The following CA10 variants were observed in gnomAD, a reference collection of about 807,000 sequenced individuals.
CA10 encodes carbonic anhydrase 10 (inactive).
A neutral mutation model predicts 44.2 loss-of-function variants in CA10; 14 were observed. That is an observed-to-expected ratio of 0.32 (90% CI 0.21 to 0.50). CA10 has a LOEUF of 0.50. Among genes scored for constraint, CA10 ranks in the 20% least tolerant of loss-of-function variants. CA10 has a pLI of 0.99. For missense variants in CA10, 350 were observed against 409.7 expected, an observed-to-expected ratio of 0.85 and a Z score of 1.26; for synonymous variants, 159 against 141.6, an observed-to-expected ratio of 1.12 and a Z score of -0.87.
At chr17:51,946,158 C>G (rs574363930) in intron 2 of CA10, among the ~76,000 whole-genome samples, 1 of 152,194 alleles carries the variant, frequency 6.6e-6, no homozygotes, top group South Asian at 2.1e-4. Flanking sequence ...ACAAGAGGAG[C>G]AATTGGGGAG....
At chr17:52,113,123 A>G (rs1033890854) in intron 1 of CA10, among the ~76,000 whole-genome samples, 3 of 152,192 alleles carry the variant, frequency 2.0e-5, no homozygotes, top group African/African-American at 7.2e-5. Flanking sequence ...GGTTCTAAAG[A>G]TATTGTAGGA....
chr17:52,147,853 C>CT (rs897952373), intron 1 of CA10, among the ~76,000 whole-genome samples: 5 of 151,874 alleles, frequency 3.3e-5, no homozygotes, highest in African/African-American at 1.2e-4. Flanking sequence ...AATAGGGCCC[C>CT]TTTTTTTTCT....
At chr17:51,993,169 G>T (rs1253851352) in intron 2 of CA10, among the ~76,000 whole-genome samples, 3 of 152,104 alleles carry the variant, frequency 2.0e-5, no homozygotes, top group African/African-American at 7.2e-5. Flanking sequence ...AGTTTTGGCA[G>T]CACTTAGGTA....
chr17:52,066,524 T>C (rs780690122), intron 2 of CA10, among the ~76,000 whole-genome samples: 1 of 152,166 alleles, frequency 6.6e-6, no homozygotes, highest in Admixed American at 6.5e-5. Flanking sequence ...ATCTGATGGT[T>C]TTATAGACGG....
chr17:52,056,083 G>T lies in CA10; in HGVS notation c.136+16236C>A, dbSNP rs182451149. Among the ~76,000 whole-genome samples the T allele has an allele frequency of 8.5e-5, 13 of 152,176 alleles. No individual in the cohort carries two copies. In the East Asian group the frequency reaches 1.6e-3, roughly 18 times the overall value. On this transcript the variant is annotated intron_variant, in intron 2 of 8. Transcript: ENST00000451037. The stretch of plus-strand genomic sequence containing the variant: ...GCTGTGAGAAGAGGAGATGGCAGAT[G>T]AAGAGGCTCTGGAAGTCTACCTTTT...
intron 3 of CA10, among the ~76,000 whole-genome samples, chr17:51,930,186 T>C (rs554146243): frequency 1.3e-5 from 2 of 151,296 alleles, no homozygotes; most frequent in South Asian, 2.1e-4. Flanking sequence ...TGTCAATAAT[T>C]TTAACCTCAA....
At chr17:51,656,441 C>T (rs1038405012) in intron 4 of CA10, among the ~76,000 whole-genome samples, 1 of 152,190 alleles carries the variant, frequency 6.6e-6, no homozygotes, top group African/African-American at 2.4e-5. Flanking sequence ...TGCCTCCTCT[C>T]TGTTCCAAGG....
chr17:52,076,389 A>G (rs1987820412), intron 1 of CA10, among the ~76,000 whole-genome samples: 1 of 152,198 alleles, frequency 6.6e-6, no homozygotes, highest in Non-Finnish European at 1.5e-5. Flanking sequence ...AGAACTATGT[A>G]AGATTTTAGC....
At chr17:51,906,550 G>C (rs1379425323) in intron 3 of CA10, among the ~76,000 whole-genome samples, 1 of 152,126 alleles carries the variant, frequency 6.6e-6, no homozygotes, top group Non-Finnish European at 1.5e-5. Flanking sequence ...TCCCTGGATA[G>C]TCTAATGTAT....
intron 2 of CA10, among the ~76,000 whole-genome samples, chr17:51,960,616 C>A (rs1252250396): frequency 6.6e-6 from 1 of 152,070 alleles, no homozygotes; most frequent in South Asian, 2.1e-4. Flanking sequence ...TGACAGTGAA[C>A]CATTAATTCT....
chr17:51,969,782 T>C (rs912944637), intron 2 of CA10, among the ~76,000 whole-genome samples: 55 of 151,828 alleles, frequency 3.6e-4, no homozygotes, highest in Non-Finnish European at 1.6e-4. Context: ...GGGGATCTTA[T>C]GAGTAGGAAA....
At chr17:52,049,926 A>G (rs1219802069) in intron 2 of CA10, among the ~76,000 whole-genome samples, 2 of 152,104 alleles carry the variant, frequency 1.3e-5, no homozygotes, top group Non-Finnish European at 2.9e-5. Context: ...AATACTCGCC[A>G]TTATGCCACA....
intron 2 of CA10, among the ~76,000 whole-genome samples, chr17:52,018,136 G>C (rs970519512): frequency 1.4e-4 from 22 of 152,158 alleles, no homozygotes; most frequent in Non-Finnish European, 4.4e-5. Context: ...TTCAGAGGAA[G>C]AGCCCTCAGA....
At chr17:51,730,858 A>G (rs979396002) in intron 4 of CA10, among the ~76,000 whole-genome samples, 1 of 151,960 alleles carries the variant, frequency 6.6e-6, no homozygotes, top group African/African-American at 2.4e-5. Flanking sequence ...GTTTTTGGAA[A>G]GTGTCCTACA....
chr17:51,875,751 C>A (rs1018953454), intron 3 of CA10, among the ~76,000 whole-genome samples: 3 of 152,058 alleles, frequency 2.0e-5, no homozygotes, highest in Admixed American at 2.0e-4. Context: ...CTGCCAAAAT[C>A]AGGATACAGA....
intron 3 of CA10, among the ~76,000 whole-genome samples, chr17:51,911,851 T>C (rs1981802637): frequency 6.6e-6 from 1 of 152,162 alleles, no homozygotes; most frequent in African/African-American, 2.4e-5. Context: ...ATAATAAGCA[T>C]TTATCAAGCA....
At position 51,749,349 on chromosome 17, in the gene CA10, G is replaced by A. The variant is rs184090647; in HGVS notation, c.280-1531C>T. Among the ~76,000 whole-genome samples the A allele has an allele frequency of 8.7e-4, 133 of 152,312 alleles. 2 individuals are homozygous for A. Among genetic ancestry groups the A allele is most frequent in the Non-Finnish European group, 9.6e-4 (65 of 68,034 alleles). Reference sequence around the variant, plus strand: ...GCTAGTCCTGAGAGTAGACCTTGAGGGCATGCGTGTTTTCTTCACTTCTTC... The same window carrying A: ...GCTAGTCCTGAGAGTAGACCTTGAGAGCATGCGTGTTTTCTTCACTTCTTC... On this transcript the variant is annotated intron_variant, in intron 3 of 8. Coordinates refer to ENST00000451037, the MANE Select transcript of CA10 (RefSeq NM_020178.5).
intron 3 of CA10, among the ~76,000 whole-genome samples, chr17:51,909,813 G>A (rs1418806656): frequency 6.6e-6 from 1 of 152,114 alleles, no homozygotes; most frequent in East Asian, 1.9e-4. Context: ...ACTGCAGAAA[G>A]TAACAAGAAT....
At chr17:51,793,280 G>A (rs1225531062) in intron 3 of CA10, among the ~76,000 whole-genome samples, 1 of 152,120 alleles carries the variant, frequency 6.6e-6, no homozygotes, top group East Asian at 1.9e-4. Context: ...TTGTATGAAT[G>A]GCCATTGGGG....
Sources: gnomAD v4.1 joint callset for allele counts (sites outside exome capture counted in the v4.1 genomes callset) on GRCh38, gnomAD v4.1.1 for gene constraint, MANE v1.5 for transcripts, NCBI Gene and HGNC (gene_info 2026-07-23, HGNC 2026-07-21) for gene names.